Variants in ATOSA observed in about 807,000 individuals in gnomAD.
ATOSA encodes the protein atos homolog A, also known as atos homolog protein A.
At chr15:52,702,525 C>T in the ATOSA span, among the ~76,000 whole-genome samples, 1 of 152,088 alleles carries the variant, frequency 6.6e-6, no homozygotes, top group African/African-American at 2.4e-5. Context: ...CCAAATACAA[C>T]ATGTTCTCAC....
the ATOSA span, among the ~76,000 whole-genome samples, chr15:52,621,125 A>G: frequency 6.6e-6 from 1 of 152,224 alleles, no homozygotes; most frequent in Non-Finnish European, 1.5e-5. Flanking sequence ...CAACCTAAAT[A>G]TTCAACAATA....
the ATOSA span, among the ~76,000 whole-genome samples, chr15:52,633,852 ATATAAT>A: frequency 6.6e-6 from 1 of 152,150 alleles, no homozygotes; most frequent in Non-Finnish European, 1.5e-5. Flanking sequence ...TCACTCTTAA[ATATAAT>A]TAAAGGAAAA....
chr15:52,673,250 A>G, the ATOSA span, among the ~76,000 whole-genome samples: 2 of 152,248 alleles, frequency 1.3e-5, no homozygotes, highest in African/African-American at 4.8e-5. Context: ...AGAGAGGACA[A>G]GCAGCTTTCC....
At chr15:52,657,243 C>T in the ATOSA span, 1 of 151,972 alleles carries the variant, frequency 6.6e-6, no homozygotes, top group African/African-American at 2.4e-5. Flanking sequence ...AACAGTCATA[C>T]AAATGACTGA....
chr15:52,606,614 C>T, the ATOSA span, among the ~76,000 whole-genome samples: 1 of 152,050 alleles, frequency 6.6e-6, no homozygotes, highest in Non-Finnish European at 1.5e-5. Context: ...CCTTAGTGGG[C>T]TTGAAAAATA....
At chr15:52,701,214 C>A in the ATOSA span, among the ~76,000 whole-genome samples, 1 of 151,974 alleles carries the variant, frequency 6.6e-6, no homozygotes, top group African/African-American at 2.4e-5. Context: ...CCTGGTGGCT[C>A]ATGCCTTGTA....
At chr15:52,608,904 A>G in the ATOSA span, 1 of 1,608,548 alleles carries the variant, frequency 6.2e-7, no homozygotes, top group Non-Finnish European at 8.5e-7. Flanking sequence ...GAAGATTGCC[A>G]AAGAATTTTG....
chr15:52,629,673 G>GC, the ATOSA span: 1 of 408,302 alleles, frequency 2.4e-6, no homozygotes, highest in African/African-American at 2.1e-5. Flanking sequence ...CTGATGGCGG[G>GC]CACCTGTAAT....
At chr15:52,672,821 C>T in the ATOSA span, among the ~76,000 whole-genome samples, 3 of 152,128 alleles carry the variant, frequency 2.0e-5, no homozygotes, top group Non-Finnish European at 4.4e-5. Context: ...GTTTAGTCCA[C>T]TGAATCATTT....
the ATOSA span, among the ~76,000 whole-genome samples, chr15:52,644,154 C>T: frequency 1.7e-3 from 256 of 151,672 alleles, no homozygotes; most frequent in African/African-American, 5.9e-3. Context: ...AACTCCTGGC[C>T]TCAAGCAATC....
chr15:52,603,538 G>A, the ATOSA span, among the ~76,000 whole-genome samples: 1 of 152,150 alleles, frequency 6.6e-6, no homozygotes, highest in South Asian at 2.1e-4. Flanking sequence ...GCACTCCAAT[G>A]TTTAGTGCAG....
At chr15:52,644,872 A>G in the ATOSA span, among the ~76,000 whole-genome samples, 1 of 152,236 alleles carries the variant, frequency 6.6e-6, no homozygotes, top group Admixed American at 6.5e-5. Flanking sequence ...CTAGGCCTCA[A>G]CAGTCATTTA....
At chr15:52,665,077 G>C in the ATOSA span, among the ~76,000 whole-genome samples, 45 of 152,306 alleles carry the variant, frequency 3.0e-4, no homozygotes, top group African/African-American at 1.1e-3. Context: ...CATGGACATA[G>C]AAGTGGGAAC....
At chr15:52,617,879 T>C in the ATOSA span, among the ~76,000 whole-genome samples, 2 of 151,576 alleles carry the variant, frequency 1.3e-5, no homozygotes, top group Non-Finnish European at 2.9e-5. Flanking sequence ...TAAATCCAAA[T>C]CCACATAATT....
the ATOSA span, among the ~76,000 whole-genome samples, chr15:52,627,339 CCTT>C: frequency 2.0e-5 from 3 of 152,118 alleles, no homozygotes; most frequent in African/African-American, 7.2e-5. Context: ...CCAATTAATA[CCTT>C]ATTATAATGC....
At chr15:52,588,354 A>G in the ATOSA span, among the ~76,000 whole-genome samples, 3 of 152,198 alleles carry the variant, frequency 2.0e-5, no homozygotes, top group South Asian at 6.2e-4. Context: ...TTCAAATTGA[A>G]TGTGTAAAAG....
At chr15:52,623,201 T>C in the ATOSA span, among the ~76,000 whole-genome samples, 2 of 151,330 alleles carry the variant, frequency 1.3e-5, no homozygotes, top group African/African-American at 2.4e-5. Flanking sequence ...CCAGATCATA[T>C]AGGATTTCGA....
At chr15:52,597,771 GGAA>G in the ATOSA span, among the ~76,000 whole-genome samples, 9 of 152,264 alleles carry the variant, frequency 5.9e-5, no homozygotes, top group Admixed American at 2.0e-4. Context: ...GGGCCACACT[GGAA>G]GAAGAATTGT....
the ATOSA span, chr15:52,600,053 A>T: frequency 1.6e-6 from 1 of 626,576 alleles, no homozygotes; most frequent in Non-Finnish European, 2.7e-6. Context: ...ACCAAAGTTA[A>T]AGACATATAA....
Sources: gnomAD v4.1 joint callset for allele counts (sites outside exome capture counted in the v4.1 genomes callset) on GRCh38, gnomAD v4.1.1 for gene constraint, MANE v1.5 for transcripts, NCBI Gene and HGNC (gene_info 2026-07-23, HGNC 2026-07-21) for gene names.